The following EFHC1 variants were observed in gnomAD, a reference collection of about 807,000 sequenced individuals.
EFHC1 encodes EF-hand domain containing 1.
In EFHC1, 53 loss-of-function variants were observed where a neutral mutation model predicts 69.9. The observed-to-expected ratio is 0.76, with a 90% CI of 0.61 to 0.95. The LOEUF is 0.95. Among genes scored for constraint, EFHC1 ranks in the 40% least tolerant of loss-of-function variants. The pLI is 0.00. For synonymous variants in EFHC1, 256 were observed against 278.4 expected (o/e 0.92, Z 0.80); for missense variants, 739 against 798.7 (o/e 0.93, Z 0.90).
intron 3 of EFHC1, among the ~76,000 whole-genome samples, chr6:52,444,807 A>G (rs1764743282): frequency 6.6e-6 from 1 of 152,208 alleles, no homozygotes; most frequent in African/African-American, 2.4e-5. Flanking sequence ...GCCTCATAAA[A>G]TGAATTAGGG....
chr6:52,479,288 C>T, intron 8 of EFHC1, 38 bp downstream of exon 8: 1 of 1,601,970 alleles, frequency 6.2e-7, no homozygotes, highest in Middle Eastern at 1.8e-4. Flanking sequence ...CTACTGGCTG[C>T]CTGAATGAGT....
At chr6:52,455,747 A>G (rs959980513) in intron 5 of EFHC1, among the ~76,000 whole-genome samples, 1 of 152,214 alleles carries the variant, frequency 6.6e-6, no homozygotes, top group Non-Finnish European at 1.5e-5. Flanking sequence ...GCTAAATTCA[A>G]CGTGTCTGTA....
At chr6:52,431,631 G>T (rs1764416020) in intron 2 of EFHC1, among the ~76,000 whole-genome samples, 1 of 152,100 alleles carries the variant, frequency 6.6e-6, no homozygotes, top group Admixed American at 6.5e-5. Flanking sequence ...CATATGGTCT[G>T]TCTTGGAGAA....
chr6:52,465,755 C>T (rs1410893590), intron 6 of EFHC1, among the ~76,000 whole-genome samples: 1 of 150,330 alleles, frequency 6.7e-6, no homozygotes, highest in African/African-American at 2.4e-5. Flanking sequence ...TGCAGTGAGC[C>T]GAGATCATGC....
In EFHC1 at chr6:52,453,286, T is replaced by G. The variant is rs902467898; in HGVS notation, c.723+449T>G. The G allele has an allele frequency of 8.5e-6, 11 of 1,287,490 alleles. No individual in the cohort carries two copies. The African/African-American group carries it at 1.7e-4, about 20-fold the overall frequency. The allele number at this position is 1,287,490 out of a possible 1,614,324, so 79.8% of individuals were successfully genotyped here. On this transcript the variant is annotated intron_variant, in intron 4 of 10. Transcript: ENST00000371068. ...TTCACAGAAGCCCCACTACAGATGC[T>G]TCCTTGTTAAATGTTATATTAATAT... is the stretch of plus-strand genomic sequence containing the variant.
Position 52,439,453 on chromosome 6 carries a change from G to A in EFHC1, c.573+862G>A, listed in dbSNP as rs1314057932. Reference sequence around the variant, plus strand: ...CCATGCACTGTTCTAGGTGCCAGATGTTTTCAGGAAGGTACTTGATATTTT... The same window carrying A: ...CCATGCACTGTTCTAGGTGCCAGATATTTTCAGGAAGGTACTTGATATTTT... On this transcript the variant is annotated intron_variant, in intron 3 of 10. Transcript: ENST00000371068. Among the ~76,000 whole-genome samples, 8 of 152,266 alleles carry A rather than the reference G, an allele frequency of 5.3e-5. No individual in the cohort carries two copies. The East Asian group carries it at 1.3e-3, about 26-fold the overall frequency.
chr6:52,429,692 A>G lies in EFHC1; in HGVS notation c.285+5525A>G, dbSNP rs189253144. On this transcript the variant is annotated intron_variant, in intron 2 of 10. Coordinates refer to ENST00000371068, the MANE Select transcript of EFHC1 (RefSeq NM_018100.4). The stretch of plus-strand genomic sequence containing the variant: ...GCTATGCGGGCTCTTTTTAGGTTCT[A>G]TATGAAGTTTAGGATTGTTTTTTCT... Among the ~76,000 whole-genome samples, 480 of 152,186 alleles carry G rather than the reference A, an allele frequency of 3.2e-3. 2 individuals carry two copies. Among genetic ancestry groups the G allele is most frequent in the African/African-American group, 0.011 (469 of 41,532 alleles).
chr6:52,445,914 G>C (rs1256111218), intron 3 of EFHC1, among the ~76,000 whole-genome samples: 3 of 152,142 alleles, frequency 2.0e-5, no homozygotes, highest in Non-Finnish European at 4.4e-5. Flanking sequence ...ATTGCACTGT[G>C]GTCTGAGAGA....
chr6:52,426,905 G>T (rs988333919), intron 2 of EFHC1, among the ~76,000 whole-genome samples: 4 of 152,126 alleles, frequency 2.6e-5, no homozygotes, highest in African/African-American at 9.7e-5. Flanking sequence ...TAACAGGTAT[G>T]CTGCCTTGTT....
intron 4 of EFHC1, 146 bp downstream of exon 4, chr6:52,452,983 G>A: frequency 6.4e-7 from 1 of 1,569,574 alleles, no homozygotes; most frequent in Non-Finnish European, 8.6e-7. Context: ...CTGTCTTTCT[G>A]CTTTCATCAA....
At chr6:52,462,850 T>G (rs1402873279) in intron 5 of EFHC1, among the ~76,000 whole-genome samples, 1 of 141,302 alleles carries the variant, frequency 7.1e-6, no homozygotes, top group African/African-American at 2.7e-5. Context: ...ATTGTGCCAG[T>G]GCACTCCAGG....
rs770695749 is a variant in EFHC1 at position 52,479,156 on chromosome 6, C to G, written c.1398C>G (p.Tyr466Ter). ...ATTCTGGTATCATTGGGGGCAAGTACCTTGGCAGGACTAAAGTTGTTAAAC... is the reference window on the plus strand; with the variant it reads ...ATTCTGGTATCATTGGGGGCAAGTAGCTTGGCAGGACTAAAGTTGTTAAAC... ...VRNSGIIGGK[Y>*]LGRTKVVKPY... The change falls in exon 8 of 11, where the codon TAC becomes TAG. Residue 466 changes from tyrosine to a stop codon, truncating the protein, a stop_gained. Coordinates refer to ENST00000371068, the MANE Select transcript of EFHC1 (RefSeq NM_018100.4). LOFTEE classifies it high-confidence loss of function. 1 of 1,614,128 alleles carries G rather than the reference C, an allele frequency of 6.2e-7. No homozygotes were observed. The highest frequency in any genetic ancestry group is 8.5e-7 in the Non-Finnish European group (1 of 1,180,000).
chr6:52,430,020 T>C (rs1764383304), intron 2 of EFHC1: 1 of 152,192 alleles, frequency 6.6e-6, no homozygotes, highest in South Asian at 2.1e-4. Context: ...TGGTCGCTGT[T>C]GGTGTAAAGA....
chr6:52,430,567 C>T (rs62407891), intron 2 of EFHC1, among the ~76,000 whole-genome samples: 7,062 of 152,164 alleles, frequency 0.046, 221 homozygotes, highest in Middle Eastern at 0.085. Flanking sequence ...ACCACTTAAT[C>T]GTGGTGGATT....
rs1243801875 is a variant in EFHC1 at position 52,478,260 on chromosome 6, C to T, written c.1279-777C>T. Among the ~76,000 whole-genome samples the T allele has an allele frequency of 2.0e-5, 3 of 151,472 alleles. No homozygotes were observed. The East Asian group carries it at 5.9e-4, about 30-fold the overall frequency. On this transcript the variant is annotated intron_variant, in intron 7 of 10. Coordinates refer to ENST00000371068, the MANE Select transcript of EFHC1 (RefSeq NM_018100.4). ...TGGACACAGGAAGGGGAATTTCACACTCTGGGGACTGTGGTGGGGTGGGAG... is the reference window on the plus strand; with the variant it reads ...TGGACACAGGAAGGGGAATTTCACATTCTGGGGACTGTGGTGGGGTGGGAG...
Position 52,495,752 on chromosome 6 carries a change from A to G in EFHC1, c.*3411A>G. ...TGTAGTCTCAGAGGGAACTGTCTTC[A>G]ATAAAGTTGGCACTGTCCACATACA... On this transcript the variant is annotated 3_prime_UTR_variant, in exon 11 of 11. Coordinates refer to ENST00000371068, the MANE Select transcript of EFHC1 (RefSeq NM_018100.4). 2.7e-6 allele frequency: 1 copy of G among 372,136 alleles called. No individual in the cohort carries two copies. The highest frequency in any genetic ancestry group is 7.2e-5 in the East Asian group (1 of 13,864). 23.1% of individuals were successfully genotyped at this position (372,136 alleles called of 1,614,324 possible). A position where few individuals can be genotyped will look rare whatever the true frequency, so the allele number is the denominator to read the frequency against.
Position 52,438,560 on chromosome 6 carries a change from T to A in EFHC1, c.542T>A (p.Phe181Tyr). The change falls in exon 3 of 11, where the codon TTC becomes TAC. Residue 181 changes from phenylalanine to tyrosine, a missense_variant. Physicochemically the swap from Phe to Tyr is conservative, Grantham distance 22. Coordinates refer to ENST00000371068, the MANE Select transcript of EFHC1 (RefSeq NM_018100.4). ...GINITIYGKT[F>Y]RVVDCDQFTQ... ...AACATCACAATTTATGGCAAAACTTTCCGCGTTGTTGACTGTGACCAATTC... is the reference window on the plus strand; with the variant it reads ...AACATCACAATTTATGGCAAAACTTACCGCGTTGTTGACTGTGACCAATTC... 6.2e-7 allele frequency: 1 copy of A among 1,614,028 alleles called. No homozygotes were observed. The highest frequency in any genetic ancestry group is 8.5e-7 in the Non-Finnish European group (1 of 1,179,924).
intron 7 of EFHC1, among the ~76,000 whole-genome samples, chr6:52,470,967 ATTTGG>A (rs1765423365): frequency 2.0e-5 from 3 of 152,226 alleles, no homozygotes; most frequent in African/African-American, 7.2e-5. Flanking sequence ...AGACCAAATA[ATTTGG>A]ATCAGCCCTC....
chr6:52,491,512 T>C (rs1765903616), intron 10 of EFHC1, among the ~76,000 whole-genome samples: 2 of 152,124 alleles, frequency 1.3e-5, no homozygotes, highest in Non-Finnish European at 2.9e-5. Context: ...GGACAGTCTT[T>C]TATTTGAATA....
Sources: gnomAD v4.1 joint callset for allele counts (sites outside exome capture counted in the v4.1 genomes callset) on GRCh38, gnomAD v4.1.1 for gene constraint, MANE v1.5 for transcripts, NCBI Gene and HGNC (gene_info 2026-07-23, HGNC 2026-07-21) for gene names.